The following TMEM117 variants were observed in gnomAD, a reference collection of about 807,000 sequenced individuals.
The protein encoded by TMEM117 is transmembrane protein 117.
A neutral mutation model predicts 52.4 loss-of-function variants in TMEM117; 27 were observed. The ratio of observed to expected loss-of-function variants is 0.51; its 90% CI spans 0.38 to 0.71. TMEM117 has a LOEUF of 0.71. TMEM117 is among the 30% of genes least tolerant of loss of function. The pLI is 0.00. For synonymous variants in TMEM117, 215 were observed against 206.3 expected, an observed-to-expected ratio of 1.04 and a Z score of -0.36; for missense variants, 556 against 630.5, an observed-to-expected ratio of 0.88 and a Z score of 1.26.
chr12:44,080,781 C>G (rs1451947523), intron 3 of TMEM117, among the ~76,000 whole-genome samples: 1 of 152,118 alleles, frequency 6.6e-6, no homozygotes, highest in Non-Finnish European at 1.5e-5. Context: ...TTTATTGGAA[C>G]ACAGTCATGT....
chr12:43,904,515 C>G (rs1448859342), intron 2 of TMEM117, among the ~76,000 whole-genome samples: 2 of 152,076 alleles, frequency 1.3e-5, no homozygotes, highest in African/African-American at 4.8e-5. Flanking sequence ...CTCCTGAGGC[C>G]CCAGCCAGCT....
chr12:44,300,129 A>T (rs975406985), intron 6 of TMEM117, among the ~76,000 whole-genome samples: 4 of 152,218 alleles, frequency 2.6e-5, no homozygotes, highest in Admixed American at 2.6e-4. Flanking sequence ...AGCAATTGTC[A>T]AAGCAACTCA....
intron 2 of TMEM117, among the ~76,000 whole-genome samples, chr12:43,898,402 TTAA>T (rs200554500): frequency 0.011 from 1,684 of 149,772 alleles, 20 homozygotes; most frequent in East Asian, 0.046. Context: ...ATATTAATAA[TTAA>T]TAATACACTT....
intron 5 of TMEM117, among the ~76,000 whole-genome samples, chr12:44,246,190 G>T (rs1279291195): frequency 6.6e-6 from 1 of 151,994 alleles, no homozygotes; most frequent in Admixed American, 6.6e-5. Flanking sequence ...TACAGTAATG[G>T]ACACTTTACT....
At chr12:44,287,732 A>G (rs942098182) in intron 5 of TMEM117, among the ~76,000 whole-genome samples, 31 of 152,342 alleles carry the variant, frequency 2.0e-4, no homozygotes, top group Admixed American at 4.6e-4. Context: ...GCTTATGACA[A>G]AAACTGTCAT....
intron 4 of TMEM117, among the ~76,000 whole-genome samples, chr12:44,145,678 A>G (rs768481448): frequency 6.6e-6 from 1 of 152,186 alleles, no homozygotes; most frequent in Non-Finnish European, 1.5e-5. Flanking sequence ...CCTGAGCCCC[A>G]TAAGTGTGAG....
intron 1 of TMEM117, among the ~76,000 whole-genome samples, chr12:43,841,338 T>A (rs1221866576): frequency 1.3e-5 from 2 of 152,206 alleles, no homozygotes; most frequent in Non-Finnish European, 2.9e-5. Flanking sequence ...ATCCTGATGT[T>A]TCCACTTGTT....
At chr12:44,007,708 GT>G (rs1376735330) in intron 3 of TMEM117, among the ~76,000 whole-genome samples, 2 of 152,078 alleles carry the variant, frequency 1.3e-5, no homozygotes, top group African/African-American at 2.4e-5. Context: ...CCAGTGGGAG[GT>G]AATTGAATCA....
At chr12:43,938,882 C>A (rs1944997062) in intron 2 of TMEM117, among the ~76,000 whole-genome samples, 1 of 151,980 alleles carries the variant, frequency 6.6e-6, no homozygotes, top group Non-Finnish European at 1.5e-5. Context: ...TGCCTGTAAT[C>A]CCAGCTACTC....
intron 6 of TMEM117, among the ~76,000 whole-genome samples, chr12:44,337,342 A>G (rs1951355087): frequency 6.6e-6 from 1 of 152,038 alleles, no homozygotes; most frequent in Non-Finnish European, 1.5e-5. Context: ...TAATCCATTC[A>G]TGAGGACTAT....
intron 2 of TMEM117, among the ~76,000 whole-genome samples, chr12:43,914,676 G>A (rs1024082377): frequency 2.0e-5 from 3 of 152,110 alleles, no homozygotes; most frequent in African/African-American, 4.8e-5. Context: ...CATGGTAGCC[G>A]TGCCTGCTCT....
rs549054644 is a variant in TMEM117 at position 43,897,098 on chromosome 12, T to C, written c.278-47112T>C. Among the ~76,000 whole-genome samples the C allele has an allele frequency of 5.3e-5, 8 of 152,298 alleles. No homozygotes were observed. In the South Asian group the frequency reaches 1.7e-3, roughly 32 times the overall value. On this transcript the variant is annotated intron_variant, in intron 2 of 7. Transcript: ENST00000266534. Reference sequence around the variant, plus strand: ...AGTAAATTCTCCCTCACTTGAACTATATTGAGTGTTCTTTTGCAACCCCAA... The same window carrying C: ...AGTAAATTCTCCCTCACTTGAACTACATTGAGTGTTCTTTTGCAACCCCAA...
intron 5 of TMEM117, among the ~76,000 whole-genome samples, chr12:44,287,729 ACAAAAACTGT>A (rs1950654826): frequency 6.6e-6 from 1 of 152,222 alleles, no homozygotes. Context: ...AGTGCTTATG[ACAAAAACTGT>A]CATGAGTCAG....
chr12:43,876,720 A>ATG (rs1377041245), intron 2 of TMEM117, among the ~76,000 whole-genome samples: 1 of 152,174 alleles, frequency 6.6e-6, no homozygotes, highest in Non-Finnish European at 1.5e-5. Flanking sequence ...GCGTTTTCCA[A>ATG]TGCTGTGCTT....
chr12:43,899,330 A>G (rs918447894), intron 2 of TMEM117, among the ~76,000 whole-genome samples: 2 of 152,214 alleles, frequency 1.3e-5, no homozygotes, highest in African/African-American at 2.4e-5. Context: ...CACAGTGACA[A>G]TTTATGTTGA....
chr12:44,029,049 A>G (rs1946590141), intron 3 of TMEM117, among the ~76,000 whole-genome samples: 1 of 151,964 alleles, frequency 6.6e-6, no homozygotes, highest in Non-Finnish European at 1.5e-5. Flanking sequence ...GACTTTGGGT[A>G]TATGCATACC....
intron 3 of TMEM117, among the ~76,000 whole-genome samples, chr12:44,101,083 C>T (rs1243504703): frequency 6.6e-6 from 1 of 151,860 alleles, no homozygotes; most frequent in Admixed American, 6.6e-5. Context: ...AAGGAAAAGG[C>T]AGCTCTCTGG....
chr12:44,054,033 G>A lies in TMEM117; in HGVS notation c.411-89492G>A, dbSNP rs536180167. 1.3e-3 allele frequency among the ~76,000 whole-genome samples: 205 copies of A among 152,258 alleles called. 1 individual carries two copies. Among genetic ancestry groups the A allele is most frequent in the Non-Finnish European group, 2.3e-3 (159 of 68,012 alleles). On this transcript the variant is annotated intron_variant, in intron 3 of 7. Transcript: ENST00000266534. ...GTAATTGTAAGTGAAAAGAAGTGAC[G>A]CAGATCAAAGAAATTGTTGAAAAAT...
At chr12:43,995,297 C>T (rs1381959374) in intron 3 of TMEM117, among the ~76,000 whole-genome samples, 2 of 151,860 alleles carry the variant, frequency 1.3e-5, no homozygotes, top group South Asian at 2.1e-4. Context: ...TGCTGAAGAC[C>T]GCAGAGCTTG....
Sources: allele counts gnomAD v4.1 joint callset (sites outside exome capture counted in the v4.1 genomes callset), GRCh38; gene constraint gnomAD v4.1.1; transcripts MANE v1.5; gene names NCBI Gene and HGNC (gene_info 2026-07-23, HGNC 2026-07-21).